The following DNAAF11 variants were observed in gnomAD, a reference collection of about 807,000 sequenced individuals.
DNAAF11 encodes dynein axonemal assembly factor 11.
Under a neutral mutation model 60.8 loss-of-function variants are expected in DNAAF11, and 45 were observed. The ratio of observed to expected loss-of-function variants is 0.74; its 90% CI spans 0.58 to 0.95. DNAAF11 has a LOEUF of 0.95. DNAAF11 is among the 40% of genes least tolerant of loss of function. The probability of loss-of-function intolerance (pLI) is 0.00; values close to 1 mark genes in which losing one functional copy is unlikely to be tolerated. For synonymous variants in DNAAF11, 191 were observed against 183.5 expected (o/e 1.04, Z -0.33); for missense variants, 546 against 546.2 (o/e 1.00, Z 0.00).
intron 7 of DNAAF11, among the ~76,000 whole-genome samples, chr8:132,619,414 AT>A (rs1413679180): frequency 6.6e-6 from 1 of 152,060 alleles, no homozygotes; most frequent in Admixed American, 6.5e-5. Flanking sequence ...TGACCTGCAC[AT>A]TGTGCACATG....
intron 10 of DNAAF11, among the ~76,000 whole-genome samples, chr8:132,595,964 C>A (rs549179254): frequency 2.0e-5 from 3 of 152,152 alleles, no homozygotes; most frequent in South Asian, 4.2e-4. Flanking sequence ...AGTAGTGGTA[C>A]CCGCAAGATG....
At chr8:132,685,884 G>T in the DNAAF11 span, among the ~76,000 whole-genome samples, 1 of 152,066 alleles carries the variant, frequency 6.6e-6, no homozygotes, top group South Asian at 2.1e-4. Flanking sequence ...TGGGCATAAG[G>T]GTCCCATTAA....
intron 10 of DNAAF11, among the ~76,000 whole-genome samples, chr8:132,590,554 T>G (rs1409639747): frequency 6.6e-6 from 1 of 152,234 alleles, no homozygotes; most frequent in East Asian, 1.9e-4. Flanking sequence ...ATTTTGATAC[T>G]CAAGTGTTTC....
rs1426401812 is a variant in DNAAF11 at position 132,610,267 on chromosome 8, A to G, written c.1045-6T>C. On this transcript the variant is annotated splice_region_variant and splice_polypyrimidine_tract_variant and intron_variant, in intron 9 of 11. Coordinates refer to ENST00000620350, the MANE Select transcript of DNAAF11 (RefSeq NM_012472.6). ...GGAAGGACAAGCTGAAATGGCTGAA[A>G]ATAAGTAGAAAGAAAGTATCATTGA... 1 of 1,596,230 alleles carries G rather than the reference A, an allele frequency of 6.3e-7. No homozygotes were observed. Among genetic ancestry groups the G allele is most frequent in the Non-Finnish European group, 8.6e-7 (1 of 1,163,826 alleles).
intron 3 of DNAAF11, among the ~76,000 whole-genome samples, chr8:132,640,545 T>A (rs1821751927): frequency 6.6e-6 from 1 of 152,162 alleles, no homozygotes; most frequent in African/African-American, 2.4e-5. Context: ...ACTCTTTTAA[T>A]ACCATCATTA....
At chr8:132,700,715 A>C in the DNAAF11 span, among the ~76,000 whole-genome samples, 3 of 152,006 alleles carry the variant, frequency 2.0e-5, no homozygotes, top group Non-Finnish European at 4.4e-5. Context: ...ATAGAAACAG[A>C]ATCTGATTGC....
chr8:132,665,225 G>A (rs1586737371), intron 1 of DNAAF11, among the ~76,000 whole-genome samples: 1 of 151,888 alleles, frequency 6.6e-6, no homozygotes, highest in South Asian at 2.1e-4. Flanking sequence ...GCAAACATCA[G>A]AACAAAAACC....
chr8:132,662,136 A>G (rs968063502), intron 1 of DNAAF11, among the ~76,000 whole-genome samples: 10 of 152,246 alleles, frequency 6.6e-5, no homozygotes, highest in African/African-American at 2.4e-4. Flanking sequence ...CTTAAAAGAA[A>G]GAAAAGGAAC....
At chr8:132,641,097 A>G (rs1821807345) in intron 3 of DNAAF11, among the ~76,000 whole-genome samples, 2 of 152,190 alleles carry the variant, frequency 1.3e-5, no homozygotes, top group South Asian at 4.1e-4. Flanking sequence ...GTCATCTAAT[A>G]AATATAAAAG....
At chr8:132,646,842 A>G (rs951445083) in intron 3 of DNAAF11, among the ~76,000 whole-genome samples, 2 of 152,242 alleles carry the variant, frequency 1.3e-5, no homozygotes, top group African/African-American at 4.8e-5. Flanking sequence ...AGACTCATAA[A>G]GCAAGTCCTT....
chr8:132,593,332 CATAT>C lies in DNAAF11; in HGVS notation c.1141-9557_1141-9554del, dbSNP rs60462067. On this transcript the variant is annotated intron_variant, in intron 10 of 11. Transcript: ENST00000620350. The stretch of plus-strand genomic sequence containing the variant: ...ATAAACTTCAAAGAATATATACATA[CATAT>C]ATATATATATATATATATATATATA... Among the ~76,000 whole-genome samples the C allele has an allele frequency of 6.7e-3, 731 of 108,700 alleles. 7 individuals carry two copies. The highest frequency in any genetic ancestry group is 0.022 in the Middle Eastern group (3 of 136). 71.3% of individuals were successfully genotyped at this position (108,700 alleles called of 152,430 possible).
chr8:132,623,495 T>G (rs1215841898), intron 6 of DNAAF11, among the ~76,000 whole-genome samples: 3 of 151,320 alleles, frequency 2.0e-5, no homozygotes, highest in African/African-American at 7.3e-5. Context: ...GGATAGGAGG[T>G]AAATAAAGGA....
chr8:132,667,599 T>G (rs114454890), intron 1 of DNAAF11, among the ~76,000 whole-genome samples: 1 of 152,212 alleles, frequency 6.6e-6, no homozygotes, highest in Non-Finnish European at 1.5e-5. Flanking sequence ...AAATATAAGA[T>G]GCAGATGGTT....
intron 4 of DNAAF11, among the ~76,000 whole-genome samples, chr8:132,635,401 T>C (rs1821192638): frequency 6.6e-6 from 1 of 152,318 alleles, no homozygotes; most frequent in Middle Eastern, 3.4e-3. Context: ...GATCCTACTA[T>C]ACATGAGTAA....
intron 9 of DNAAF11, among the ~76,000 whole-genome samples, chr8:132,610,558 T>C (rs536049299): frequency 6.6e-6 from 1 of 152,278 alleles, no homozygotes; most frequent in Non-Finnish European, 1.5e-5. Context: ...TTAAAAATCT[T>C]TAAGCTAATC....
intron 6 of DNAAF11, 22 bp from the exon 7 acceptor site, chr8:132,622,710 G>C (rs1229291318): frequency 1.3e-6 from 2 of 1,511,810 alleles, no homozygotes; most frequent in Admixed American, 1.7e-5. Flanking sequence ...TGGTGGATGA[G>C]AACAATGGGC....
At chr8:132,601,365 T>C (rs188866858) in intron 10 of DNAAF11, among the ~76,000 whole-genome samples, 12,846 of 151,550 alleles carry the variant, frequency 0.085, 717 homozygotes, top group South Asian at 0.14. Flanking sequence ...GACAGTGTGG[T>C]GATTCTTCAA....
At chr8:132,596,826 G>C (rs2131127194) in intron 10 of DNAAF11, among the ~76,000 whole-genome samples, 1 of 152,318 alleles carries the variant, frequency 6.6e-6, no homozygotes, top group East Asian at 1.9e-4. Flanking sequence ...AGAGTGATGG[G>C]GGCATCAGCC....
chr8:132,577,768 C>T (rs932072488), intron 11 of DNAAF11, among the ~76,000 whole-genome samples: 1 of 152,168 alleles, frequency 6.6e-6, no homozygotes. Flanking sequence ...AAGTGATCTT[C>T]CCACCTCAGA....
Sources: allele counts gnomAD v4.1 joint callset (sites outside exome capture counted in the v4.1 genomes callset), GRCh38; gene constraint gnomAD v4.1.1; transcripts MANE v1.5; gene names NCBI Gene and HGNC (gene_info 2026-07-23, HGNC 2026-07-21).